Variants in TPM3 observed in about 807,000 individuals in gnomAD.
The protein encoded by TPM3 is tropomyosin 3, also known as tropomyosin alpha-3 chain.
Under a neutral mutation model 43.1 loss-of-function variants are expected in TPM3, and 16 were observed. The observed-to-expected ratio is 0.37, with a 90% CI of 0.25 to 0.56. TPM3 has a LOEUF of 0.56. Among genes scored for constraint, TPM3 ranks in the 20% least tolerant of loss-of-function variants. The pLI is 0.77. For synonymous variants in TPM3, 101 were observed against 116.9 expected (o/e 0.86, Z 0.88); for missense variants, 176 against 337.2 (o/e 0.52, Z 3.74).
chr1:154,176,054 A>G (rs1662270609), intron 3 of TPM3, 61 bp downstream of exon 3: 2 of 1,610,204 alleles, frequency 1.2e-6, no homozygotes, highest in Admixed American at 3.3e-5. Flanking sequence ...CTATAAGGAA[A>G]TCTTGATCAG....
At chr1:154,171,023 C>T (rs1661518397) in intron 6 of TPM3, 1 of 525,146 alleles carries the variant, frequency 1.9e-6, no homozygotes. Context: ...AGTAGCACCC[C>T]AAGGTCACAT....
Position 154,167,759 on chromosome 1 carries a change from T to C in TPM3, c.*178A>G. 6.7e-7 allele frequency: 1 copy of C among 1,499,394 alleles called. No homozygotes were observed. The highest frequency in any genetic ancestry group is 8.9e-7 in the Non-Finnish European group (1 of 1,121,966). 92.9% of individuals were successfully genotyped at this position (1,499,394 alleles called of 1,614,324 possible). ...GGGTGGCATGAGGTTTCCAGCAGCT[T>C]AACATTTTAATTTGGGGTGGGGGTG... On this transcript the variant is annotated 3_prime_UTR_variant, in exon 10 of 10. Transcript: ENST00000651641.
chr1:154,180,634 G>A (rs1177861046), intron 2 of TPM3, among the ~76,000 whole-genome samples: 6 of 152,278 alleles, frequency 3.9e-5, no homozygotes, highest in East Asian at 3.9e-4. Flanking sequence ...CAGGACAGGC[G>A]CAGTGGCTCA....
At chr1:154,157,566 G>A (rs2148183331), downstream of TPM3, 7 of 767,916 alleles carry the variant, frequency 9.1e-6, no homozygotes, top group South Asian at 9.4e-5. Flanking sequence ...TTAAAGGTCA[G>A]CTTCCCGCAG....
intron 2 of TPM3, among the ~76,000 whole-genome samples, chr1:154,182,797 C>A (rs1261065469): frequency 6.6e-6 from 1 of 152,142 alleles, no homozygotes; most frequent in East Asian, 1.9e-4. Flanking sequence ...CCTGCTCGCC[C>A]GAGCACTGTT....
rs1162197772 is a variant in TPM3 at position 154,176,130 on chromosome 1, G to A, written c.362C>T (p.Ala121Val). 3 of 1,613,846 alleles carry A rather than the reference G, an allele frequency of 1.9e-6. No homozygotes were observed. The highest frequency in any genetic ancestry group is 8.5e-7 in the Non-Finnish European group (1 of 1,180,034). The stretch of plus-strand genomic sequence containing the variant: ...CCCTACACACCTCTCACTCTCATCA[G>A]CAGCTTTTTCAGCTTCTTCCAGCTT... ...LQKLEEAEKA[A>V]DESERGMKVI... is the part of the protein sequence containing the mutation. The change falls in exon 3 of 10, where the codon GCT (alanine) becomes GTT (valine). Residue 121 changes from alanine to valine, a missense_variant. Physicochemically the swap from Ala to Val is moderately conservative, Grantham distance 64 (BLOSUM62 0). Coordinates refer to ENST00000651641, the MANE Select transcript of TPM3 (RefSeq NM_152263.4).
downstream of TPM3, among the ~76,000 whole-genome samples, chr1:154,159,991 CTTTTTTTTTT>C (rs60242183): frequency 2.3e-5 from 3 of 129,866 alleles, no homozygotes; most frequent in Non-Finnish European, 3.3e-5. Flanking sequence ...AAGTTATTTC[CTTTTTTTTTT>C]TTTTTTTTTT....
chr1:154,176,978 C>CAAA (rs60774056), intron 2 of TPM3, among the ~76,000 whole-genome samples: 2 of 55,872 alleles, frequency 3.6e-5, no homozygotes, highest in Admixed American at 2.0e-4. Context: ...AACTCCATTT[C>CAAA]AAAAAAAAAA....
Position 154,191,938 on chromosome 1 carries a change from T to C in TPM3, c.81A>G (p.Glu27=), listed in dbSNP as rs1479856923. The change falls in exon 1 of 10, where the codon GAA becomes GAG. Residue 27 remains glutamate, a synonymous_variant. Coordinates refer to ENST00000651641, the MANE Select transcript of TPM3 (RefSeq NM_152263.4). The part of the protein sequence containing the change: ...ENALDRAEQA[E]AEQKQAEERS... Reference sequence around the variant, plus strand: ...TTTCTTCTGCCTGCTTCTGCTCAGCTTCAGCTTGCTCTGCCCGATCCAGAG... The same window carrying C: ...TTTCTTCTGCCTGCTTCTGCTCAGCCTCAGCTTGCTCTGCCCGATCCAGAG... 6.2e-7 allele frequency: 1 copy of C among 1,613,982 alleles called. No homozygotes were observed. The highest frequency in any genetic ancestry group is 1.1e-5 in the South Asian group (1 of 91,088).
intron 8 of TPM3, 110 bp downstream of exon 8, chr1:154,170,290 C>T: frequency 8.4e-7 from 1 of 1,191,790 alleles, no homozygotes; most frequent in Admixed American, 1.8e-5. Flanking sequence ...GATATTAATA[C>T]ATGCCAAGTC....
In TPM3 at chr1:154,188,439, G is replaced by T. The variant is rs1025766153; in HGVS notation, c.243+2747C>A. 4.0e-5 allele frequency among the ~76,000 whole-genome samples: 6 copies of T among 151,554 alleles called. 1 individual carries two copies. Among genetic ancestry groups the T allele is most frequent in the African/African-American group, 7.3e-5 (3 of 40,860 alleles). ...ACCTGTAATCCCAGCACTTTGGGAG[G>T]CCGTGGCGGGCGGATCACAAGGTGA... is the stretch of plus-strand genomic sequence containing the variant. On this transcript the variant is annotated intron_variant, in intron 2 of 9. Transcript: ENST00000651641.
In TPM3 at chr1:154,166,174, T is replaced by TA. The variant is rs1271952054; in HGVS notation, c.*1762dup. ...AAGGAAACGTGAATTTGATATGACT[T>TA]AAAGTTTTAGATTAAGGAAAACTTC... On this transcript the variant is annotated 3_prime_UTR_variant, in exon 10 of 10. Transcript: ENST00000651641. 1.3e-5 allele frequency: 3 copies of TA among 227,360 alleles called. No individual in the cohort carries two copies. The highest frequency in any genetic ancestry group is 5.7e-5 in the Admixed American group (1 of 17,552). The allele number at this position is 227,360 out of a possible 1,614,324, so 14.1% of individuals were successfully genotyped here. A position where few individuals can be genotyped will look rare whatever the true frequency, so the allele number is the denominator to read the frequency against.
At chr1:154,177,742 C>T (rs1335937642) in intron 2 of TPM3, among the ~76,000 whole-genome samples, 3 of 152,096 alleles carry the variant, frequency 2.0e-5, no homozygotes, top group African/African-American at 4.8e-5. Context: ...CCACTAGCTC[C>T]GATGAGGAAG....
At position 154,173,278 on chromosome 1, in the gene TPM3, T is replaced by G. The variant is rs978656717; in HGVS notation, c.378-77A>C. ...AGCTCCACTCCAAGGGTCTCAGAAC[T>G]GTACTTTTAAAAGCCCACTCCTCTC... On this transcript the variant is annotated intron_variant, in intron 3 of 9. Transcript: ENST00000651641. The G allele has an allele frequency of 2.4e-6, 3 of 1,264,550 alleles. No homozygotes were observed. In the African/African-American group the frequency reaches 4.4e-5, roughly 19 times the overall value. 78.3% of individuals were successfully genotyped at this position (1,264,550 alleles called of 1,614,324 possible).
chr1:154,170,845 C>A, intron 6 of TPM3, 134 bp from the exon 7 acceptor site: 1 of 720,854 alleles, frequency 1.4e-6, no homozygotes, highest in East Asian at 2.6e-5. Flanking sequence ...AAGAGCAAGG[C>A]CTGGCTCTGG....
intron 3 of TPM3, among the ~76,000 whole-genome samples, chr1:154,174,359 A>AAT (rs1254016477): frequency 2.2e-4 from 12 of 54,708 alleles, no homozygotes; most frequent in African/African-American, 5.9e-4. Context: ...ATATTATTTA[A>AAT]ATATATGTGT....
At chr1:154,172,713 T>C (rs1402609860) in intron 5 of TPM3, 195 bp downstream of exon 5, 4 of 683,788 alleles carry the variant, frequency 5.8e-6, no homozygotes, top group Non-Finnish European at 1.0e-5. Context: ...AAGCCTCTTT[T>C]GTCACTTGTC....
At chr1:154,180,929 A>T (rs1393048303) in intron 2 of TPM3, among the ~76,000 whole-genome samples, 1 of 151,972 alleles carries the variant, frequency 6.6e-6, no homozygotes, top group Admixed American at 6.6e-5. Context: ...CATCTAAAAA[A>T]AAAAAGAGGG....
At chr1:154,158,076 GGC>G (rs1213625298), downstream of TPM3, among the ~76,000 whole-genome samples, 1 of 152,134 alleles carries the variant, frequency 6.6e-6, no homozygotes, top group East Asian at 1.9e-4. Flanking sequence ...CTCTTGAAAT[GGC>G]TCACCGGAGT....
Sources: gnomAD v4.1 joint callset for allele counts (sites outside exome capture counted in the v4.1 genomes callset) on GRCh38, gnomAD v4.1.1 for gene constraint, MANE v1.5 for transcripts, NCBI Gene and HGNC (gene_info 2026-07-23, HGNC 2026-07-21) for gene names.